The following ZNF804A variants were observed in gnomAD, a reference collection of about 807,000 sequenced individuals.
The protein encoded by ZNF804A is zinc finger protein 804A.
A neutral mutation model predicts 16.5 loss-of-function variants in ZNF804A; 2 were observed. The ratio of observed to expected loss-of-function variants is 0.12; its 90% confidence interval spans 0.05 to 0.38. The LOEUF (loss-of-function observed/expected upper bound fraction) is 0.38, where lower values mean the gene tolerates loss of function less well. Ranked by LOEUF, ZNF804A falls within the 10% of genes least tolerant of loss-of-function variation. The pLI is 0.99. For missense variants in ZNF804A, 1,473 were observed against 1,390.7 expected, an observed-to-expected ratio of 1.06 and a Z score of -0.94; for synonymous variants, 534 against 489.6, an observed-to-expected ratio of 1.09 and a Z score of -1.20.
chr2:184,703,174 G>A (rs548486234), intron 1 of ZNF804A, among the ~76,000 whole-genome samples: 25 of 152,234 alleles, frequency 1.6e-4, no homozygotes, highest in African/African-American at 6.0e-4. Context: ...AAAAACTGTA[G>A]TATTTACTAT....
Position 184,938,519 on chromosome 2 carries a change from T to C in ZNF804A, c.3123T>C (p.His1041=). ...CATTATTGATCCCACTAGAAAACCA[T>C]GACAAATTCAAAAATGTACCATGTG... ...EQALLIPLEN[H]DKFKNVPCEV... The change falls in exon 4 of 4, where the codon CAT becomes CAC. Residue 1041 remains histidine (H), a synonymous_variant. Coordinates refer to ENST00000302277, the MANE Select transcript of ZNF804A (RefSeq NM_194250.2). The C allele has an allele frequency of 1.9e-6, 3 of 1,614,010 alleles. No individual in the cohort carries two copies. The highest frequency in any genetic ancestry group is 2.5e-6 in the Non-Finnish European group (3 of 1,179,978).
At chr2:184,695,451 C>A in intron 1 of ZNF804A, among the ~76,000 whole-genome samples, 1 of 115,854 alleles carries the variant, frequency 8.6e-6, no homozygotes, top group African/African-American at 3.6e-5. Context: ...GGCGACAGAG[C>A]GAGACTCCGT....
intron 1 of ZNF804A, among the ~76,000 whole-genome samples, chr2:184,828,715 A>G (rs966699005): frequency 4.0e-5 from 6 of 151,802 alleles, no homozygotes; most frequent in Admixed American, 2.6e-4. Flanking sequence ...GGCCCATTCT[A>G]CATCTCCCCT....
intron 1 of ZNF804A, among the ~76,000 whole-genome samples, chr2:184,821,118 A>G (rs556063082): frequency 6.1e-4 from 93 of 152,294 alleles, no homozygotes; most frequent in Middle Eastern, 3.4e-3. Flanking sequence ...AGACAATCCT[A>G]AGCAAAAGAA....
intron 1 of ZNF804A, among the ~76,000 whole-genome samples, chr2:184,713,251 A>T (rs546691239): frequency 3.0e-3 from 454 of 151,880 alleles, no homozygotes; most frequent in African/African-American, 0.011. Flanking sequence ...TTCATGATCC[A>T]GTTCTATATG....
chr2:184,901,009 A>G (rs1022149745), intron 2 of ZNF804A, among the ~76,000 whole-genome samples: 2 of 152,166 alleles, frequency 1.3e-5, no homozygotes, highest in Non-Finnish European at 2.9e-5. Context: ...TTATCTCCAT[A>G]TGCTTGAACC....
intron 1 of ZNF804A, among the ~76,000 whole-genome samples, chr2:184,640,240 G>A (rs1168839119): frequency 2.0e-5 from 3 of 151,674 alleles, no homozygotes; most frequent in East Asian, 3.9e-4. Context: ...GGAGGAGGAG[G>A]AAGAGGAGGA....
At chr2:184,810,773 A>G (rs1694886833) in intron 1 of ZNF804A, among the ~76,000 whole-genome samples, 1 of 152,108 alleles carries the variant, frequency 6.6e-6, no homozygotes, top group South Asian at 2.1e-4. Flanking sequence ...TATGGGCGTG[A>G]GCCACCGCGC....
chr2:184,889,074 T>C (rs1353434902), intron 2 of ZNF804A, among the ~76,000 whole-genome samples: 2 of 152,086 alleles, frequency 1.3e-5, no homozygotes, highest in African/African-American at 2.4e-5. Flanking sequence ...TCCAACATTG[T>C]CAACAGCATG....
intron 2 of ZNF804A, among the ~76,000 whole-genome samples, chr2:184,933,141 A>T (rs1559007103): frequency 9.3e-6 from 1 of 107,228 alleles, no homozygotes; most frequent in Non-Finnish European, 1.9e-5. Flanking sequence ...ACACACACAC[A>T]CGCACACACA....
At chr2:184,905,968 C>A (rs1411850314) in intron 2 of ZNF804A, among the ~76,000 whole-genome samples, 3 of 152,280 alleles carry the variant, frequency 2.0e-5, no homozygotes, top group East Asian at 1.9e-4. Context: ...TATCCAATTT[C>A]ATTGACCTTC....
chr2:184,614,364 C>T (rs1387179572), intron 1 of ZNF804A, among the ~76,000 whole-genome samples: 5 of 152,168 alleles, frequency 3.3e-5, no homozygotes. Context: ...CCATTCAGGA[C>T]ATAGGTATGG....
At chr2:184,693,321 C>A (rs182501794) in intron 1 of ZNF804A, among the ~76,000 whole-genome samples, 454 of 152,228 alleles carry the variant, frequency 3.0e-3, no homozygotes, top group African/African-American at 0.01. Flanking sequence ...ATGGCATACA[C>A]CTCATTTTAT....
chr2:184,912,234 T>G (rs759096007), intron 2 of ZNF804A, among the ~76,000 whole-genome samples: 11 of 152,192 alleles, frequency 7.2e-5, no homozygotes, highest in Non-Finnish European at 1.3e-4. Context: ...GCATGTAAAT[T>G]GAATTATACA....
intron 1 of ZNF804A, among the ~76,000 whole-genome samples, chr2:184,764,787 A>G (rs1574201279): frequency 6.6e-6 from 1 of 152,290 alleles, no homozygotes; most frequent in East Asian, 1.9e-4. Context: ...GCCAAAATTA[A>G]AGTCAATATA....
At chr2:184,923,062 T>C (rs1344126630) in intron 2 of ZNF804A, among the ~76,000 whole-genome samples, 1 of 152,032 alleles carries the variant, frequency 6.6e-6, no homozygotes, top group African/African-American at 2.4e-5. Flanking sequence ...TCCATATACA[T>C]TTTATGATTT....
chr2:184,732,766 G>A (rs965527155), intron 1 of ZNF804A, among the ~76,000 whole-genome samples: 11 of 151,934 alleles, frequency 7.2e-5, no homozygotes, highest in African/African-American at 2.2e-4. Flanking sequence ...TAAGTATTTT[G>A]TTTTGGGGGA....
chr2:184,751,213 A>T lies in ZNF804A; in HGVS notation c.112-115156A>T, dbSNP rs545117360. Among the ~76,000 whole-genome samples, 10 of 151,596 alleles carry T rather than the reference A, an allele frequency of 6.6e-5. No individual in the cohort carries two copies. The South Asian group carries it at 2.1e-3, about 31-fold the overall frequency. ...TACAGAGAGGTAGGATTGCTGGTTC[A>T]TATGGTTGTTCTATTTTTAAATATT... is the stretch of plus-strand genomic sequence containing the variant. On this transcript the variant is annotated intron_variant, in intron 1 of 3. Coordinates refer to ENST00000302277, the MANE Select transcript of ZNF804A (RefSeq NM_194250.2).
At chr2:184,785,390 G>A (rs377395302) in intron 1 of ZNF804A, among the ~76,000 whole-genome samples, 21 of 152,046 alleles carry the variant, frequency 1.4e-4, no homozygotes, top group East Asian at 3.9e-4. Context: ...CCAACCACAC[G>A]TTTGGATAGT....
Sources: gnomAD v4.1 joint callset for allele counts (sites outside exome capture counted in the v4.1 genomes callset) on GRCh38, gnomAD v4.1.1 for gene constraint, MANE v1.5 for transcripts, NCBI Gene and HGNC (gene_info 2026-07-23, HGNC 2026-07-21) for gene names.